HMGCLL1: variants seen among roughly 807,000 people sequenced by gnomAD.
HMGCLL1 encodes 3-hydroxy-3-methylglutaryl-CoA lyase like 1.
Under a neutral mutation model 39.1 loss-of-function variants are expected in HMGCLL1, and 36 were observed. The observed-to-expected ratio is 0.92, with a 90% CI of 0.71 to 1.22. The LOEUF (loss-of-function observed/expected upper bound fraction) is 1.22. HMGCLL1 is among the 50% of genes most tolerant of loss of function. The pLI is 0.00. For missense variants in HMGCLL1, 451 were observed against 416.5 expected, an observed-to-expected ratio of 1.08 and a Z score of -0.72; for synonymous variants, 149 against 144.0, an observed-to-expected ratio of 1.03 and a Z score of -0.25.
chr6:55,516,441 A>G, intron 4 of HMGCLL1, 67 bp downstream of exon 4: 1 of 1,026,088 alleles, frequency 9.7e-7, no homozygotes, highest in Non-Finnish European at 1.5e-6. Flanking sequence ...ACACAATTTT[A>G]ACTTTGTAAA....
At position 55,495,616 on chromosome 6, in the gene HMGCLL1, A is replaced by G. The variant is rs989966116; in HGVS notation, c.607-9T>C. 1.3e-6 allele frequency: 2 copies of G among 1,573,050 alleles called. No individual in the cohort carries two copies. The highest frequency in any genetic ancestry group is 1.4e-5 in the African/African-American group (1 of 73,354). On this transcript the variant is annotated splice_polypyrimidine_tract_variant and intron_variant, in intron 6 of 8. Transcript: ENST00000274901. ...TACAATCTCTTAGACACCTGTTGAT[A>G]AAGGTGAAGTGCTAGTAAAATAATG...
At chr6:55,611,095 G>C in the HMGCLL1 span, among the ~76,000 whole-genome samples, 1 of 152,076 alleles carries the variant, frequency 6.6e-6, no homozygotes, top group Non-Finnish European at 1.5e-5. Flanking sequence ...TAAAACTCAA[G>C]ATTAAGAAAC....
the HMGCLL1 span, among the ~76,000 whole-genome samples, chr6:55,607,849 A>G: frequency 6.6e-6 from 1 of 152,168 alleles, no homozygotes; most frequent in Non-Finnish European, 1.5e-5. Flanking sequence ...ACCTGGTTCC[A>G]CCTGTGCCAC....
In HMGCLL1 at chr6:55,516,525, G is replaced by T. The variant is rs1260084051; in HGVS notation, c.376C>A (p.Gln126Lys). 1.3e-6 allele frequency: 2 copies of T among 1,595,344 alleles called. No homozygotes were observed. The highest frequency in any genetic ancestry group is 2.2e-5 in the East Asian group (1 of 44,692). The stretch of plus-strand genomic sequence containing the variant: ...ACACTTACAGCATGGTGAAAACCCT[G>T]AAGATTAGGAGTAAGGACAGGATAG... ...VRYPVLTPNL[Q>K]GFHHAVAAGA... The change falls in exon 4 of 9, where the codon CAG becomes AAG. Residue 126 changes from glutamine (Q) to lysine (K), a missense_variant. By Grantham distance (53) the Gln-to-Lys change is moderately conservative. Transcript: ENST00000274901.
chr6:55,504,229 A>T (rs541926771), intron 5 of HMGCLL1, among the ~76,000 whole-genome samples: 2 of 151,746 alleles, frequency 1.3e-5, no homozygotes, highest in South Asian at 4.1e-4. Flanking sequence ...CTCTTTGTAG[A>T]TTCCCTGCCC....
chr6:55,675,244 G>A, the HMGCLL1 span, among the ~76,000 whole-genome samples: 2 of 151,962 alleles, frequency 1.3e-5, no homozygotes, highest in African/African-American at 4.8e-5. Flanking sequence ...TTTGTATACA[G>A]GCAAAAGAAA....
chr6:55,526,820 C>T (rs184973462), intron 3 of HMGCLL1, among the ~76,000 whole-genome samples: 271 of 152,038 alleles, frequency 1.8e-3, no homozygotes, highest in Non-Finnish European at 3.4e-3. Flanking sequence ...TGGGGATTCA[C>T]CTCTGAATAA....
At chr6:55,476,096 C>A (rs1032256448) in intron 7 of HMGCLL1, among the ~76,000 whole-genome samples, 2 of 151,606 alleles carry the variant, frequency 1.3e-5, no homozygotes, top group African/African-American at 2.4e-5. Context: ...ATTTTAGAAT[C>A]CACTTGTCAA....
intron 7 of HMGCLL1, among the ~76,000 whole-genome samples, chr6:55,441,897 G>T (rs1763613872): frequency 6.6e-6 from 1 of 151,890 alleles, no homozygotes; most frequent in African/African-American, 2.4e-5. Flanking sequence ...CACTATGTTG[G>T]CCAGGCTGGC....
intron 1 of HMGCLL1, among the ~76,000 whole-genome samples, chr6:55,546,702 G>T (rs1421723512): frequency 6.6e-6 from 1 of 152,066 alleles, no homozygotes; most frequent in Non-Finnish European, 1.5e-5. Context: ...AAGGAATTGT[G>T]TTGCATTTTA....
At position 55,579,012 on chromosome 6, in the gene HMGCLL1, T is replaced by C; in HGVS notation, c.44A>G (p.Gln15Arg). 1.2e-6 allele frequency: 2 copies of C among 1,613,662 alleles called. No homozygotes were observed. The highest frequency in any genetic ancestry group is 1.7e-6 in the Non-Finnish European group (2 of 1,179,848). The change falls in exon 1 of 9, where the codon CAG (glutamine) becomes CGG (arginine). Residue 15 changes from glutamine to arginine, a missense_variant. Gln to Arg is a conservative substitution (Grantham distance 43). Transcript: ENST00000274901. ...PSAVKHCLSY[Q>R]QLLREHLWIG... ...CCAGAGATGCTCCCGGAGAAGCTGC[T>C]GGTAGCTGAGGCAGTGCTTCACCGC...
At chr6:55,436,975 A>T (rs985252717) in intron 8 of HMGCLL1, among the ~76,000 whole-genome samples, 15 of 151,986 alleles carry the variant, frequency 9.9e-5, no homozygotes, top group African/African-American at 3.6e-4. Flanking sequence ...TGATACTTAA[A>T]TTCTGTAAAC....
chr6:55,503,659 G>A (rs1051671760), intron 5 of HMGCLL1, among the ~76,000 whole-genome samples: 3 of 151,638 alleles, frequency 2.0e-5, no homozygotes, highest in Non-Finnish European at 4.4e-5. Context: ...CAAGCTTGAT[G>A]CATTCACATA....
At chr6:55,608,117 G>A in the HMGCLL1 span, among the ~76,000 whole-genome samples, 6,443 of 152,110 alleles carry the variant, frequency 0.042, 165 homozygotes, top group Non-Finnish European at 0.052. Flanking sequence ...TATACATCTT[G>A]GCATTCTCAC....
chr6:55,657,691 A>G, the HMGCLL1 span, among the ~76,000 whole-genome samples: 1 of 152,202 alleles, frequency 6.6e-6, no homozygotes, highest in East Asian at 1.9e-4. Context: ...GATAAAGGAA[A>G]TTTGGTACAT....
intron 4 of HMGCLL1, among the ~76,000 whole-genome samples, chr6:55,516,139 A>G (rs1561930507): frequency 1.3e-5 from 2 of 152,124 alleles, no homozygotes. Context: ...ACAAAGGTTG[A>G]CAAAAATAAT....
intron 3 of HMGCLL1, among the ~76,000 whole-genome samples, chr6:55,527,897 G>C (rs1463416406): frequency 5.9e-5 from 9 of 151,808 alleles, no homozygotes; most frequent in Admixed American, 1.3e-4. Flanking sequence ...AGGTCAGTTT[G>C]GTATGTCTTT....
chr6:55,629,944 A>C, the HMGCLL1 span, among the ~76,000 whole-genome samples: 4 of 152,150 alleles, frequency 2.6e-5, no homozygotes, highest in Non-Finnish European at 5.9e-5. Flanking sequence ...CTCATGGAGA[A>C]ACTCTGCTAG....
At chr6:55,579,397 C>A (rs1771930721), upstream of HMGCLL1, among the ~76,000 whole-genome samples, 1 of 152,240 alleles carries the variant, frequency 6.6e-6, no homozygotes, top group Non-Finnish European at 1.5e-5. Flanking sequence ...TCTTAACGTG[C>A]CCACCTACTT....
Sources: gnomAD v4.1 joint callset for allele counts (sites outside exome capture counted in the v4.1 genomes callset) on GRCh38, gnomAD v4.1.1 for gene constraint, MANE v1.5 for transcripts, NCBI Gene and HGNC (gene_info 2026-07-23, HGNC 2026-07-21) for gene names.